The following GSR variants were observed in gnomAD, a reference collection of about 807,000 sequenced individuals.
GSR encodes the protein glutathione reductase, mitochondrial.
A neutral mutation model predicts 56.5 loss-of-function variants in GSR; 48 were observed. That is an observed-to-expected ratio of 0.85 (90% CI 0.67 to 1.08). The LOEUF (loss-of-function observed/expected upper bound fraction) is 1.08. GSR is among the 50% of genes least tolerant of loss of function. The pLI is 0.00. For missense variants in GSR, 694 were observed against 703.3 expected (o/e 0.99, Z 0.15); for synonymous variants, 264 against 270.8 (o/e 0.97, Z 0.25).
At chr8:30,698,232 C>T (rs994116631) in intron 6 of GSR, among the ~76,000 whole-genome samples, 1 of 152,128 alleles carries the variant, frequency 6.6e-6, no homozygotes, top group East Asian at 1.9e-4. Context: ...ACGTATCAAT[C>T]GTAAATTCAT....
chr8:30,699,711 T>A (rs1803664097), intron 6 of GSR, among the ~76,000 whole-genome samples: 1 of 151,924 alleles, frequency 6.6e-6, no homozygotes, highest in Non-Finnish European at 1.5e-5. Context: ...CCCAAAGTGC[T>A]AGGATTACAG....
At chr8:30,696,052 T>A (rs1274196513) in intron 7 of GSR, among the ~76,000 whole-genome samples, 4 of 151,938 alleles carry the variant, frequency 2.6e-5, no homozygotes, top group Admixed American at 1.3e-4. Context: ...AAAATAAAAA[T>A]AAAAAAATAA....
rs571663862 is a variant in GSR at position 30,713,099 on chromosome 8, C to T, written c.307-1011G>A. 9.9e-5 allele frequency among the ~76,000 whole-genome samples: 15 copies of T among 151,228 alleles called. 2 individuals carry two copies. Among genetic ancestry groups the T allele is most frequent in the African/African-American group, 3.4e-4 (14 of 41,178 alleles). ...TTGCCCAGGCTGGAGTGCAATGGTG[C>T]GATCACAGCTTACTGCAAACTCCAC... On this transcript the variant is annotated intron_variant, in intron 1 of 12. Coordinates refer to ENST00000221130, the MANE Select transcript of GSR (RefSeq NM_000637.5).
At chr8:30,684,781 GCT>G (rs1803098439) in intron 9 of GSR, among the ~76,000 whole-genome samples, 1 of 151,784 alleles carries the variant, frequency 6.6e-6, no homozygotes. Context: ...ACAGGGTCTC[GCT>G]CTGTTACCCA....
At chr8:30,716,109 A>G (rs1804325086) in intron 1 of GSR, among the ~76,000 whole-genome samples, 1 of 152,136 alleles carries the variant, frequency 6.6e-6, no homozygotes, top group Non-Finnish European at 1.5e-5. Context: ...GGCATTATGC[A>G]AGGTAAGGCA....
chr8:30,704,304 G>A (rs1171777272), intron 4 of GSR, among the ~76,000 whole-genome samples: 2 of 152,022 alleles, frequency 1.3e-5, no homozygotes, highest in Admixed American at 6.6e-5. Flanking sequence ...CATCCTGGGC[G>A]ACAGAGACAA....
chr8:30,694,144 A>C (rs2128741891), intron 7 of GSR, among the ~76,000 whole-genome samples: 1 of 152,300 alleles, frequency 6.6e-6, no homozygotes, highest in Non-Finnish European at 1.5e-5. Flanking sequence ...TTATATAACC[A>C]GTTTCAAAGC....
chr8:30,714,775 C>A (rs926435887), intron 1 of GSR, among the ~76,000 whole-genome samples: 3 of 152,156 alleles, frequency 2.0e-5, no homozygotes, highest in Admixed American at 6.6e-5. Context: ...TCAAGTGATT[C>A]TCCTGCCTCA....
intron 8 of GSR, among the ~76,000 whole-genome samples, chr8:30,691,962 G>A (rs929723022): frequency 1.1e-4 from 17 of 151,776 alleles, no homozygotes; most frequent in South Asian, 4.2e-4. Flanking sequence ...TTAGCCAGGC[G>A]TGGTGGCATG....
chr8:30,682,142 T>C (rs1168236478), intron 10 of GSR, 81 bp from the exon 11 acceptor site: 1 of 1,103,776 alleles, frequency 9.1e-7, no homozygotes, highest in Non-Finnish European at 1.4e-6. Context: ...CATTTATCCA[T>C]CTACCTTAAT....
intron 5 of GSR, among the ~76,000 whole-genome samples, chr8:30,701,453 C>G (rs1803737809): frequency 7.3e-6 from 1 of 136,892 alleles, no homozygotes; most frequent in African/African-American, 2.8e-5. Flanking sequence ...GTGACAAAAG[C>G]AAAACTCTGT....
rs1269198381 is a variant in GSR, at chr8:30,678,753, G to A, written c.*767C>T. 1 of 152,154 alleles carries A rather than the reference G, an allele frequency of 6.6e-6. No homozygotes were observed. The highest frequency in any genetic ancestry group is 1.5e-5 in the Non-Finnish European group (1 of 68,038). The allele number at this position is 152,154 out of a possible 1,614,324, so 9.4% of individuals were successfully genotyped here. A position where few individuals can be genotyped will look rare whatever the true frequency, so the allele number is the denominator to read the frequency against. The stretch of plus-strand genomic sequence containing the variant: ...GCTTTTAGAAAAAGGTCTCATCCTT[G>A]AAGCAGCTTTGTTATATGCAGAGCA... On this transcript the variant is annotated 3_prime_UTR_variant, in exon 13 of 13. Transcript: ENST00000221130.
In GSR at chr8:30,678,361, T is replaced by TATATA. The variant is rs1563522485; in HGVS notation, c.*1158_*1159insTATAT. On this transcript the variant is annotated 3_prime_UTR_variant, in exon 13 of 13. Coordinates refer to ENST00000221130, the MANE Select transcript of GSR (RefSeq NM_000637.5). ...AAATAATATATATATATATATATAT[T>TATATA]TTTTTTTTTTTTTTTTGAGACAGGG... 1 of 6,732 alleles carries TATATA rather than the reference T, an allele frequency of 1.5e-4. No homozygotes were observed. Among genetic ancestry groups the TATATA allele is most frequent in the African/African-American group, 2.2e-4 (1 of 4,464 alleles). The allele number at this position is 6,732 out of a possible 1,614,324, so 0.4% of individuals were successfully genotyped here. A position where few individuals can be genotyped will look rare whatever the true frequency, so the allele number is the denominator to read the frequency against.
At chr8:30,725,075 AG>A (rs2128749991) in intron 1 of GSR, among the ~76,000 whole-genome samples, 1 of 152,278 alleles carries the variant, frequency 6.6e-6, no homozygotes, top group South Asian at 2.1e-4. Context: ...AAATTCCTTA[AG>A]GGAAGGGACA....
At chr8:30,723,614 A>G (rs1397307089) in intron 1 of GSR, among the ~76,000 whole-genome samples, 1 of 152,064 alleles carries the variant, frequency 6.6e-6, no homozygotes, top group African/African-American at 2.4e-5. Flanking sequence ...AACATGGTGA[A>G]ACCTCATCTC....
chr8:30,709,537 CA>C (rs781063935), intron 3 of GSR, among the ~76,000 whole-genome samples: 47 of 152,180 alleles, frequency 3.1e-4, no homozygotes, highest in Middle Eastern at 3.4e-3. Flanking sequence ...TCCCAGGGGC[CA>C]GGGGGAGAAG....
chr8:30,690,166 T>TTATG (rs1370292226), intron 8 of GSR, among the ~76,000 whole-genome samples: 3 of 145,004 alleles, frequency 2.1e-5, no homozygotes, highest in Non-Finnish European at 4.5e-5. Flanking sequence ...ATATATTTAT[T>TTATG]TATTTATTTA....
At chr8:30,724,143 A>T (rs1804647093) in intron 1 of GSR, among the ~76,000 whole-genome samples, 1 of 152,166 alleles carries the variant, frequency 6.6e-6, no homozygotes, top group Non-Finnish European at 1.5e-5. Context: ...AGACCAAAGC[A>T]GGAGGATTGC....
At chr8:30,692,694 G>A (rs1803427019) in intron 8 of GSR, among the ~76,000 whole-genome samples, 4 of 151,416 alleles carry the variant, frequency 2.6e-5, no homozygotes, top group Admixed American at 2.6e-4. Flanking sequence ...TAGAGAGAGG[G>A]TTTCACCATG....
Sources: gnomAD v4.1 joint callset for allele counts (sites outside exome capture counted in the v4.1 genomes callset) on GRCh38, gnomAD v4.1.1 for gene constraint, MANE v1.5 for transcripts, NCBI Gene and HGNC (gene_info 2026-07-23, HGNC 2026-07-21) for gene names.